CDCP2: variants seen among roughly 807,000 people sequenced by gnomAD.
CDCP2 encodes the protein CUB domain-containing protein 2.
In CDCP2, 31 loss-of-function variants were observed where a neutral mutation model predicts 31.0. That is an observed-to-expected ratio of 1.00 (90% CI 0.75 to 1.35). The LOEUF (loss-of-function observed/expected upper bound fraction) is 1.35, where lower values mean the gene tolerates loss of function less well. Among genes scored for constraint, CDCP2 ranks in the 40% most tolerant of loss-of-function variants. The probability of loss-of-function intolerance (pLI) is 0.00; values close to 1 mark genes in which losing one functional copy is unlikely to be tolerated. For synonymous variants in CDCP2, 206 were observed against 207.9 expected (o/e 0.99, Z 0.08); for missense variants, 443 against 482.6 (o/e 0.92, Z 0.77).
intron 1 of CDCP2, among the ~76,000 whole-genome samples, chr1:54,152,533 C>A (rs1352771435): frequency 6.6e-6 from 1 of 152,056 alleles, no homozygotes; most frequent in African/African-American, 2.4e-5. Flanking sequence ...ACCTTGGTGA[C>A]CATGTAGCCT....
At chr1:54,136,746 G>A (rs1228023119) in exon 5 of CDCP2, 1 of 399,070 alleles carries the variant, frequency 2.5e-6, no homozygotes, top group Non-Finnish European at 4.4e-6. Context: ...AGCGGGGCCA[G>A]CGCCTGCGTG....
intron 3 of CDCP2, 84 bp from the exon 4 acceptor site, chr1:54,140,190 G>T: frequency 1.5e-6 from 2 of 1,340,534 alleles, no homozygotes; most frequent in Non-Finnish European, 2.1e-6. Flanking sequence ...TAGGCAGCAG[G>T]TGCCACAGTG....
intron 3 of CDCP2, 53 bp from the exon 4 acceptor site, chr1:54,140,159 T>G: frequency 1.3e-6 from 2 of 1,524,752 alleles, no homozygotes; most frequent in Non-Finnish European, 1.8e-6. Flanking sequence ...AGAGGAGAAG[T>G]CACTCTCTGC....
At chr1:54,141,332 C>T (rs1347803251) in exon 3 of CDCP2, 1 of 1,614,220 alleles carries the variant, frequency 6.2e-7, no homozygotes, top group South Asian at 1.1e-5. Context: ...GGGCCAGCGG[C>T]CCGGATCACC....
chr1:54,140,157 A>C, intron 3 of CDCP2, 51 bp from the exon 4 acceptor site: 1 of 1,551,304 alleles, frequency 6.4e-7, no homozygotes, highest in Non-Finnish European at 8.9e-7. Context: ...GGAGAGGAGA[A>C]GTCACTCTCT....
intron 1 of CDCP2, among the ~76,000 whole-genome samples, chr1:54,148,370 GA>G (rs879256492): frequency 2.4e-4 from 31 of 127,388 alleles, no homozygotes; most frequent in East Asian, 1.1e-3. Context: ...AAGAAAAAAA[GA>G]AAAAAAAAAT....
At chr1:54,152,056 G>A (rs144191507) in intron 1 of CDCP2, among the ~76,000 whole-genome samples, 19 of 152,298 alleles carry the variant, frequency 1.2e-4, no homozygotes, top group African/African-American at 3.6e-4. Flanking sequence ...GGCTCAATAC[G>A]ATATGGAAGT....
In CDCP2 at chr1:54,147,403, G is replaced by A. The variant is rs796847445; in HGVS notation, c.80-2590C>T. On this transcript the variant is annotated intron_variant, in intron 1 of 5. Coordinates refer to ENST00000530059, the Ensembl canonical transcript of CDCP2. Reference sequence around the variant, plus strand: ...AATAGATGGTGAGGGAAAACTTATTGTCGGCCCAGGCTGGAGTGCAATGGT... The same window carrying A: ...AATAGATGGTGAGGGAAAACTTATTATCGGCCCAGGCTGGAGTGCAATGGT... 2.1e-4 allele frequency among the ~76,000 whole-genome samples: 32 copies of A among 151,680 alleles called. 3 individuals carry two copies. The highest frequency in any genetic ancestry group is 7.6e-4 in the African/African-American group (31 of 41,058).
intron 1 of CDCP2, among the ~76,000 whole-genome samples, chr1:54,152,102 G>A (rs544087571): frequency 6.6e-6 from 1 of 152,256 alleles, no homozygotes; most frequent in East Asian, 1.9e-4. Context: ...AATACCATAA[G>A]AAGGAACTTT....
At chr1:54,148,225 C>G (rs949873966) in intron 1 of CDCP2, among the ~76,000 whole-genome samples, 2 of 148,804 alleles carry the variant, frequency 1.3e-5, no homozygotes, top group Non-Finnish European at 3.0e-5. Flanking sequence ...ATAAGCCAGG[C>G]AAATAAAAAT....
chr1:54,146,057 A>T (rs141830416), intron 1 of CDCP2, among the ~76,000 whole-genome samples: 2,821 of 152,336 alleles, frequency 0.019, 83 homozygotes, highest in South Asian at 0.13. Flanking sequence ...AAGTATATTC[A>T]GTAAACTTAC....
intron 1 of CDCP2, among the ~76,000 whole-genome samples, chr1:54,148,407 GAA>G (rs5774176): frequency 0.011 from 1,606 of 142,982 alleles, 14 homozygotes; most frequent in Non-Finnish European, 0.018. Flanking sequence ...ATTTGACAGT[GAA>G]AAAAAAAAAA....
chr1:54,140,716 A>G (rs886228671), intron 3 of CDCP2: 6 of 190,740 alleles, frequency 3.1e-5, no homozygotes, highest in Non-Finnish European at 6.5e-5. Flanking sequence ...TAAAGTTCCC[A>G]CGACTTCATC....
intron 1 of CDCP2, among the ~76,000 whole-genome samples, chr1:54,149,559 C>T (rs4927065): frequency 0.74 from 112,647 of 152,002 alleles, 41,988 homozygotes; most frequent in East Asian, 0.94. Flanking sequence ...TCCCTGGTCA[C>T]CTTCTCAGCG....
At chr1:54,149,530 C>T (rs191703546) in intron 1 of CDCP2, among the ~76,000 whole-genome samples, 6 of 152,254 alleles carry the variant, frequency 3.9e-5, no homozygotes, top group Middle Eastern at 3.4e-3. Context: ...AATTAAAAGT[C>T]AACAAAATAA....
In CDCP2 at chr1:54,139,349, G is replaced by A. The variant is rs539825272; in HGVS notation, c.1117+404C>T. On this transcript the variant is annotated intron_variant, in intron 4 of 5. Coordinates refer to ENST00000530059, the Ensembl canonical transcript of CDCP2. The stretch of plus-strand genomic sequence containing the variant: ...ATGTTTTCAATGAGTAGTTCTGAAT[G>A]ATACAAGCAGGGCTGGTAGACATCC... The A allele has an allele frequency of 1.1e-4, 65 of 609,766 alleles. No individual in the cohort carries two copies. In the East Asian group the frequency reaches 1.5e-3, roughly 14 times the overall value. The allele number at this position is 609,766 out of a possible 1,614,324, so 37.8% of individuals were successfully genotyped here.
intron 5 of CDCP2, among the ~76,000 whole-genome samples, chr1:54,134,926 A>G (rs1315299250): frequency 6.6e-6 from 1 of 151,914 alleles, no homozygotes; most frequent in Non-Finnish European, 1.5e-5. Flanking sequence ...AGTAGAGACG[A>G]GGTTTCATCA....
At chr1:54,135,311 A>T (rs1222041549) in intron 5 of CDCP2, among the ~76,000 whole-genome samples, 1 of 152,150 alleles carries the variant, frequency 6.6e-6, no homozygotes, top group Non-Finnish European at 1.5e-5. Context: ...AAAGAGTTGC[A>T]CGTAAAGATT....
At chr1:54,142,903 A>G (rs1659399496) in intron 2 of CDCP2, 1 of 152,228 alleles carries the variant, frequency 6.6e-6, no homozygotes, top group East Asian at 1.9e-4. Flanking sequence ...TTTTAATGTA[A>G]TGAAAAGATA....
Sources: allele counts gnomAD v4.1 joint callset (sites outside exome capture counted in the v4.1 genomes callset), GRCh38; gene constraint gnomAD v4.1.1; transcripts MANE v1.5; gene names NCBI Gene and HGNC (gene_info 2026-07-23, HGNC 2026-07-21).